The following SRGAP2C variants were observed in gnomAD, a reference collection of about 807,000 sequenced individuals.
SRGAP2C encodes SLIT-ROBO Rho GTPase-activating protein 2C.
A neutral mutation model predicts 25.1 loss-of-function variants in SRGAP2C; 15 were observed. The ratio of observed to expected loss-of-function variants is 0.60; its 90% CI spans 0.40 to 0.92. The LOEUF is 0.92. Among genes scored for constraint, SRGAP2C ranks in the 40% least tolerant of loss-of-function variants. SRGAP2C has a pLI of 0.00. For missense variants in SRGAP2C, 144 were observed against 264.4 expected (o/e 0.54, Z 3.16); for synonymous variants, 44 against 96.6 (o/e 0.46, Z 3.19).
chr1:121,335,890 C>G (rs1159726157), intron 4 of SRGAP2C, among the ~76,000 whole-genome samples: 1 of 151,996 alleles, frequency 6.6e-6, no homozygotes, highest in Non-Finnish European at 1.5e-5. Context: ...GTCATAGAAA[C>G]TCTAGATGTA....
At chr1:121,255,289 C>T in intron 2 of SRGAP2C, among the ~76,000 whole-genome samples, 1 of 151,218 alleles carries the variant, frequency 6.6e-6, no homozygotes, top group East Asian at 2.0e-4. Context: ...TGGGTGGTCA[C>T]TGTGTTGAGA....
At chr1:121,284,157 C>T (rs1210542607) in intron 2 of SRGAP2C, among the ~76,000 whole-genome samples, 1 of 151,970 alleles carries the variant, frequency 6.6e-6, no homozygotes, top group Non-Finnish European at 1.5e-5. Context: ...GAATGGTTTG[C>T]CTGCCCAGAA....
chr1:121,267,861 T>G (rs1553334632), intron 2 of SRGAP2C, among the ~76,000 whole-genome samples: 1 of 150,876 alleles, frequency 6.6e-6, no homozygotes, highest in East Asian at 1.9e-4. Context: ...TTTTTAATTT[T>G]TAAAGGAATA....
intron 2 of SRGAP2C, among the ~76,000 whole-genome samples, chr1:121,210,299 G>T (rs1252616509): frequency 1.4e-5 from 2 of 138,640 alleles, no homozygotes; most frequent in East Asian, 2.2e-4. Flanking sequence ...CCCTAGCAGG[G>T]TAATTCCATC....
intron 2 of SRGAP2C, among the ~76,000 whole-genome samples, chr1:121,284,162 C>T (rs1355649740): frequency 1.3e-5 from 2 of 152,030 alleles, no homozygotes; most frequent in East Asian, 3.9e-4. Flanking sequence ...GTTTGCCTGC[C>T]CAGAAGTTCT....
chr1:121,328,879 C>A (rs1658372486), intron 4 of SRGAP2C, among the ~76,000 whole-genome samples: 1 of 133,102 alleles, frequency 7.5e-6, no homozygotes, highest in Admixed American at 8.4e-5. Context: ...AGAGCCAGAC[C>A]CTGTCTGTTT....
chr1:121,322,819 C>T (rs1658239604), intron 3 of SRGAP2C, among the ~76,000 whole-genome samples: 1 of 151,874 alleles, frequency 6.6e-6, no homozygotes, highest in Non-Finnish European at 1.5e-5. Context: ...GTTTACAAAT[C>T]ACAAGTGCCT....
At chr1:121,296,393 G>A (rs1478706854) in intron 3 of SRGAP2C, among the ~76,000 whole-genome samples, 9 of 113,022 alleles carry the variant, frequency 8.0e-5, no homozygotes, top group Non-Finnish European at 1.4e-4. Context: ...GAATTTAAAT[G>A]ATATATTTAT....
At chr1:121,343,588 G>A (rs1445823874) in intron 4 of SRGAP2C, among the ~76,000 whole-genome samples, 1 of 95,212 alleles carries the variant, frequency 1.1e-5, no homozygotes, top group East Asian at 4.4e-4. Context: ...AGGAAAGCCA[G>A]GATCCTGCTC....
rs1401391548 is a variant in SRGAP2C at position 121,239,265 on chromosome 1, T to C, written c.68-45538T>C. On this transcript the variant is annotated intron_variant, in intron 2 of 9. Coordinates refer to ENST00000367123, the MANE Select transcript of SRGAP2C (RefSeq NM_001329984.2). ...TATATACTATATATATATATATATATACTATATATATATATACTATATATA... is the reference window on the plus strand; with the variant it reads ...TATATACTATATATATATATATATACACTATATATATATATACTATATATA... Among the ~76,000 whole-genome samples, 2 of 1,236 alleles carry C rather than the reference T, an allele frequency of 1.6e-3. 1 individual carries two copies. The highest frequency in any genetic ancestry group is 2.2e-3 in the Non-Finnish European group (2 of 920). The allele number at this position is 1,236 out of a possible 152,430, so 0.8% of individuals were successfully genotyped here. A position where few individuals can be genotyped will look rare whatever the true frequency, so the allele number is the denominator to read the frequency against.
chr1:121,271,496 C>T (rs1187674456), intron 2 of SRGAP2C, among the ~76,000 whole-genome samples: 1 of 151,862 alleles, frequency 6.6e-6, no homozygotes, highest in Non-Finnish European at 1.5e-5. Flanking sequence ...AAACTTAGGC[C>T]CTTTCTGATT....
rs1657637334 is a variant in SRGAP2C, at chr1:121,298,211, A to C, written c.260+13216A>C. ...TGTTTTGTTCTGTAAGGTGTCATAT[A>C]GTTCAACCTTGGTGGGTTACTTTTA... On this transcript the variant is annotated intron_variant, in intron 3 of 9. Coordinates refer to ENST00000367123, the MANE Select transcript of SRGAP2C (RefSeq NM_001329984.2). Among the ~76,000 whole-genome samples, 7 of 149,716 alleles carry C rather than the reference A, an allele frequency of 4.7e-5. No homozygotes were observed. In the South Asian group the frequency reaches 1.5e-3, roughly 32 times the overall value.
chr1:121,368,587 G>T (rs1553350266), intron 5 of SRGAP2C, among the ~76,000 whole-genome samples: 2 of 151,990 alleles, frequency 1.3e-5, no homozygotes, highest in Non-Finnish European at 2.9e-5. Context: ...AAAGTTCGAG[G>T]TTAAAAAGGG....
intron 2 of SRGAP2C, among the ~76,000 whole-genome samples, chr1:121,259,626 G>A (rs587674541): frequency 6.6e-6 from 1 of 151,644 alleles, no homozygotes; most frequent in Admixed American, 6.6e-5. Flanking sequence ...TGATGATCAT[G>A]TATCAGACAC....
chr1:121,314,928 C>G lies in SRGAP2C; in HGVS notation c.261-9550C>G, dbSNP rs1447571028. The G allele has an allele frequency of 7.0e-5, 54 of 775,970 alleles. No homozygotes were observed. The Admixed American group carries it at 1.1e-3, about 16-fold the overall frequency. 48.1% of individuals were successfully genotyped at this position (775,970 alleles called of 1,614,324 possible). A position where few individuals can be genotyped will look rare whatever the true frequency, so the allele number is the denominator to read the frequency against. On this transcript the variant is annotated intron_variant, in intron 3 of 9. Coordinates refer to ENST00000367123, the MANE Select transcript of SRGAP2C (RefSeq NM_001329984.2). ...TATTCGGCCATATTGGCTCCTCCCC[C>G]CTACACTGAATCATTTATTTTGAGC...
At chr1:121,217,856 C>T (rs1655431295) in intron 2 of SRGAP2C, among the ~76,000 whole-genome samples, 1 of 151,974 alleles carries the variant, frequency 6.6e-6, no homozygotes, top group Non-Finnish European at 1.5e-5. Flanking sequence ...TCTTACTCCT[C>T]TTTGATAGTT....
At chr1:121,266,366 A>T (rs587696601) in intron 2 of SRGAP2C, among the ~76,000 whole-genome samples, 51 of 151,054 alleles carry the variant, frequency 3.4e-4, no homozygotes, top group African/African-American at 1.1e-3. Flanking sequence ...TAGAATGCTC[A>T]TACCATCTTG....
intron 2 of SRGAP2C, among the ~76,000 whole-genome samples, chr1:121,222,205 C>T (rs1438048882): frequency 6.6e-6 from 1 of 152,210 alleles, no homozygotes; most frequent in African/African-American, 2.4e-5. Context: ...CATGGTCACA[C>T]AGGTCCTAGG....
chr1:121,236,239 A>G (rs1456639923), intron 2 of SRGAP2C, among the ~76,000 whole-genome samples: 1 of 152,054 alleles, frequency 6.6e-6, no homozygotes, highest in African/African-American at 2.4e-5. Context: ...CCCTGCTTAT[A>G]GCCAGTAGAA....
Sources: allele counts gnomAD v4.1 joint callset (sites outside exome capture counted in the v4.1 genomes callset), GRCh38; gene constraint gnomAD v4.1.1; transcripts MANE v1.5; gene names NCBI Gene and HGNC (gene_info 2026-07-23, HGNC 2026-07-21).